The following ZSWIM6 variants were observed in gnomAD, a reference collection of about 807,000 sequenced individuals.
The protein encoded by ZSWIM6 is zinc finger SWIM domain-containing protein 6.
In ZSWIM6, 9 loss-of-function variants were observed where a neutral mutation model predicts 113.2. That is an observed-to-expected ratio of 0.08 (90% CI 0.05 to 0.14). ZSWIM6 has a LOEUF of 0.14. Among genes scored for constraint, ZSWIM6 ranks in the 10% least tolerant of loss-of-function variants. The probability of loss-of-function intolerance (pLI) is 1.00; values close to 1 mark genes in which losing one functional copy is unlikely to be tolerated. For missense variants in ZSWIM6, 1,162 were observed against 1,552.2 expected (o/e 0.75, Z 4.22); for synonymous variants, 611 against 606.5 (o/e 1.01, Z -0.11).
At chr5:61,409,145 A>G (rs1355067342) in intron 1 of ZSWIM6, among the ~76,000 whole-genome samples, 3 of 136,516 alleles carry the variant, frequency 2.2e-5, no homozygotes, top group Admixed American at 1.6e-4. Context: ...GGTATTAAGT[A>G]TAAGCACAAA....
chr5:61,397,335 A>C (rs1475171610), intron 1 of ZSWIM6, among the ~76,000 whole-genome samples: 1 of 152,258 alleles, frequency 6.6e-6, no homozygotes, highest in Non-Finnish European at 1.5e-5. Context: ...CTGATAAATT[A>C]GATTTTAATC....
At chr5:61,494,510 C>A (rs762602503) in intron 4 of ZSWIM6, 100 bp downstream of exon 4, 1 of 1,426,716 alleles carries the variant, frequency 7.0e-7, no homozygotes, top group Non-Finnish European at 9.5e-7. Flanking sequence ...GAAGAGAGAG[C>A]TGCTCATGCA....
At chr5:61,387,012 T>C (rs1292835973) in intron 1 of ZSWIM6, among the ~76,000 whole-genome samples, 4 of 152,228 alleles carry the variant, frequency 2.6e-5, no homozygotes, top group African/African-American at 7.2e-5. Context: ...TTTTGTTGTA[T>C]TATTTATGAT....
At chr5:61,510,875 C>A (rs1225435229) in intron 4 of ZSWIM6, among the ~76,000 whole-genome samples, 1 of 152,126 alleles carries the variant, frequency 6.6e-6, no homozygotes, top group Non-Finnish European at 1.5e-5. Context: ...TCTCACTGAG[C>A]CTTCTGTCCT....
intron 1 of ZSWIM6, among the ~76,000 whole-genome samples, chr5:61,453,878 C>A (rs1210981350): frequency 1.3e-5 from 2 of 151,870 alleles, no homozygotes; most frequent in Non-Finnish European, 2.9e-5. Flanking sequence ...GGGGAAGATA[C>A]TTTGAGGCTA....
intron 7 of ZSWIM6, among the ~76,000 whole-genome samples, chr5:61,526,611 GGTTA>G (rs1358767642): frequency 2.6e-5 from 4 of 151,474 alleles, no homozygotes; most frequent in East Asian, 3.9e-4. Context: ...TAATCTCTCA[GGTTA>G]GTTACTTTTT....
intron 1 of ZSWIM6, among the ~76,000 whole-genome samples, chr5:61,392,603 T>C (rs1745745063): frequency 6.6e-6 from 1 of 152,190 alleles, no homozygotes; most frequent in Non-Finnish European, 1.5e-5. Flanking sequence ...ACATTCTGTT[T>C]ACCGGCATTT....
chr5:61,348,521 G>C (rs761004865), intron 1 of ZSWIM6, among the ~76,000 whole-genome samples: 4 of 152,126 alleles, frequency 2.6e-5, no homozygotes, highest in Non-Finnish European at 5.9e-5. Context: ...AATGTAATCT[G>C]TAAAAAGTTC....
At chr5:61,453,375 TCTC>T (rs1747125916) in intron 1 of ZSWIM6, among the ~76,000 whole-genome samples, 1 of 132,064 alleles carries the variant, frequency 7.6e-6, no homozygotes, top group East Asian at 2.1e-4. Flanking sequence ...CCACTCTCTC[TCTC>T]TTTTTTTTTT....
chr5:61,525,664 C>T, intron 5 of ZSWIM6, 136 bp from the exon 6 acceptor site: 3 of 991,868 alleles, frequency 3.0e-6, no homozygotes, highest in Non-Finnish European at 4.5e-6. Flanking sequence ...AGTATTCACC[C>T]TTCACCCTTC....
intron 1 of ZSWIM6, among the ~76,000 whole-genome samples, chr5:61,417,861 G>A (rs1746287574): frequency 6.6e-6 from 1 of 152,178 alleles, no homozygotes; most frequent in Admixed American, 6.6e-5. Context: ...AAACTGTGTG[G>A]TTTTTCTTAT....
intron 4 of ZSWIM6, among the ~76,000 whole-genome samples, chr5:61,511,879 T>A (rs1050630037): frequency 6.6e-6 from 1 of 152,170 alleles, no homozygotes; most frequent in African/African-American, 2.4e-5. Flanking sequence ...AAGCCCTAAA[T>A]ATGATGCCTC....
At chr5:61,360,307 A>G (rs1159469906) in intron 1 of ZSWIM6, among the ~76,000 whole-genome samples, 1 of 152,262 alleles carries the variant, frequency 6.6e-6, no homozygotes, top group Non-Finnish European at 1.5e-5. Context: ...CCCAACTGGA[A>G]GCAAGTTGAC....
chr5:61,412,444 C>G (rs1746165786), intron 1 of ZSWIM6, among the ~76,000 whole-genome samples: 1 of 152,128 alleles, frequency 6.6e-6, no homozygotes, highest in Admixed American at 6.5e-5. Flanking sequence ...CCTTGCATAT[C>G]AGGAATTAGT....
chr5:61,391,792 C>T (rs1745720564), intron 1 of ZSWIM6: 3 of 911,214 alleles, frequency 3.3e-6, no homozygotes, highest in East Asian at 4.9e-5. Flanking sequence ...CTTCACCTTC[C>T]CATGATGCTT....
At chr5:61,468,457 C>T (rs967531676) in intron 1 of ZSWIM6, among the ~76,000 whole-genome samples, 1 of 152,162 alleles carries the variant, frequency 6.6e-6, no homozygotes, top group Non-Finnish European at 1.5e-5. Flanking sequence ...TTTAGTTCTA[C>T]AGTTAATTAT....
At chr5:61,541,093 G>A (rs756124401) in intron 12 of ZSWIM6, among the ~76,000 whole-genome samples, 10 of 151,954 alleles carry the variant, frequency 6.6e-5, no homozygotes, top group East Asian at 1.9e-4. Context: ...ACAGGCGCAC[G>A]CCACCACACC....
rs932626822 is a variant in ZSWIM6 at position 61,336,493 on chromosome 5, C to A, written c.676+3545C>A. ...ATCAAAAGGGCCGGGCGCAGTGAGT[C>A]GCGCTTGTAATCCCAGCACTTTGGG... is the stretch of plus-strand genomic sequence containing the variant. On this transcript the variant is annotated intron_variant, in intron 1 of 13. Coordinates refer to ENST00000252744, the MANE Select transcript of ZSWIM6 (RefSeq NM_020928.2). Among the ~76,000 whole-genome samples the A allele has an allele frequency of 9.9e-5, 15 of 152,264 alleles. No individual in the cohort carries two copies. In the South Asian group the frequency reaches 3.1e-3, roughly 32 times the overall value.
At chr5:61,398,844 A>T (rs1745889238) in intron 1 of ZSWIM6, among the ~76,000 whole-genome samples, 1 of 151,478 alleles carries the variant, frequency 6.6e-6, no homozygotes, top group Non-Finnish European at 1.5e-5. Context: ...GAGAGAAGGA[A>T]GGATGACCTT....
Sources: gnomAD v4.1 joint callset for allele counts (sites outside exome capture counted in the v4.1 genomes callset) on GRCh38, gnomAD v4.1.1 for gene constraint, MANE v1.5 for transcripts, NCBI Gene and HGNC (gene_info 2026-07-23, HGNC 2026-07-21) for gene names.